IARS2: variants seen among roughly 807,000 people sequenced by gnomAD.
The protein encoded by IARS2 is isoleucyl-tRNA synthetase 2, mitochondrial.
IARS2 carries 56 observed loss-of-function variants against 126.3 expected under a neutral mutation model. The ratio of observed to expected loss-of-function variants is 0.44; its 90% CI spans 0.36 to 0.55. IARS2 has a LOEUF of 0.55. IARS2 is among the 20% of genes least tolerant of loss of function. The pLI, the probability that IARS2 is intolerant of heterozygous loss-of-function variation, is 0.00. For missense variants in IARS2, 1,127 were observed against 1,245.9 expected, an observed-to-expected ratio of 0.90 and a Z score of 1.44; for synonymous variants, 407 against 441.1, an observed-to-expected ratio of 0.92 and a Z score of 0.97.
intron 13 of IARS2, among the ~76,000 whole-genome samples, chr1:220,126,049 G>A (rs980373867): frequency 2.0e-5 from 3 of 150,848 alleles, no homozygotes; most frequent in African/African-American, 7.3e-5. Context: ...GGAGCTTGCA[G>A]TGAGCCGAGA....
intron 7 of IARS2, among the ~76,000 whole-genome samples, chr1:220,103,072 C>A (rs530299645): frequency 6.6e-6 from 1 of 151,280 alleles, no homozygotes; most frequent in African/African-American, 2.4e-5. Context: ...CGAGTTTTGC[C>A]TTTTGTTGCC....
At chr1:220,135,950 T>G (rs775488968) in intron 15 of IARS2, among the ~76,000 whole-genome samples, 12 of 152,024 alleles carry the variant, frequency 7.9e-5, no homozygotes, top group Admixed American at 1.3e-4. Flanking sequence ...CCAGGGCCCC[T>G]GGCAACCACT....
intron 2 of IARS2, among the ~76,000 whole-genome samples, chr1:220,098,389 T>C (rs1656493392): frequency 6.6e-6 from 1 of 152,188 alleles, no homozygotes; most frequent in South Asian, 2.1e-4. Flanking sequence ...CTCATTTCTT[T>C]CAGATTCTGT....
chr1:220,127,221 T>C (rs1226911609), intron 14 of IARS2, among the ~76,000 whole-genome samples: 1 of 152,218 alleles, frequency 6.6e-6, no homozygotes, highest in East Asian at 1.9e-4. Flanking sequence ...TGAAATTGAC[T>C]TAGAGCCAAA....
chr1:220,094,541 C>A, intron 1 of IARS2, 58 bp downstream of exon 1: 1 of 1,442,532 alleles, frequency 6.9e-7, no homozygotes. Flanking sequence ...CCGCGGGCAC[C>A]GGGCGCTCGC....
At chr1:220,130,847 C>G (rs1425363263) in intron 14 of IARS2, among the ~76,000 whole-genome samples, 1 of 152,154 alleles carries the variant, frequency 6.6e-6, no homozygotes, top group African/African-American at 2.4e-5. Flanking sequence ...AAGAGGGTGT[C>G]CTTTTCCCAC....
chr1:220,133,847 G>T (rs889221585), intron 14 of IARS2, among the ~76,000 whole-genome samples: 2 of 151,656 alleles, frequency 1.3e-5, no homozygotes, highest in Non-Finnish European at 1.5e-5. Context: ...AACATGGATA[G>T]TCTCTTAACA....
intron 14 of IARS2, among the ~76,000 whole-genome samples, chr1:220,133,218 A>C (rs575836143): frequency 6.6e-6 from 1 of 151,632 alleles, no homozygotes; most frequent in African/African-American, 2.4e-5. Flanking sequence ...ATGTTGGTCA[A>C]CCTGGTCTCG....
intron 11 of IARS2, among the ~76,000 whole-genome samples, chr1:220,111,733 G>A (rs1656808657): frequency 2.0e-5 from 3 of 151,824 alleles, no homozygotes; most frequent in Admixed American, 2.0e-4. Flanking sequence ...AGATACTACT[G>A]TATTTAGCTG....
At chr1:220,133,893 T>C (rs1445609235) in intron 14 of IARS2, among the ~76,000 whole-genome samples, 2 of 152,010 alleles carry the variant, frequency 1.3e-5, no homozygotes, top group African/African-American at 4.8e-5. Context: ...GGAATTAACA[T>C]TGATTCCATA....
At chr1:220,138,099 TAAAAAATGA>T in intron 17 of IARS2, 56 bp downstream of exon 17, 1 of 1,563,952 alleles carries the variant, frequency 6.4e-7, no homozygotes, top group Non-Finnish European at 8.8e-7. Context: ...ATCATTGTTT[TAAAAAATGA>T]GACACATTTT....
At chr1:220,098,252 A>G (rs1656490535) in intron 2 of IARS2, among the ~76,000 whole-genome samples, 1 of 152,212 alleles carries the variant, frequency 6.6e-6, no homozygotes, top group Non-Finnish European at 1.5e-5. Context: ...CCCTTAGCAA[A>G]GAGCATGGGC....
At chr1:220,110,702 A>G (rs1229131479) in intron 10 of IARS2, 84 bp from the exon 11 acceptor site, 1 of 1,048,514 alleles carries the variant, frequency 9.5e-7, no homozygotes, top group East Asian at 2.4e-5. Flanking sequence ...CTGCAGATTT[A>G]GTATTTTCTG....
At chr1:220,111,598 A>G (rs200979004) in intron 11 of IARS2, among the ~76,000 whole-genome samples, 5,138 of 134,754 alleles carry the variant, frequency 0.038, 101 homozygotes, top group African/African-American at 0.049. Flanking sequence ...ATATATATAT[A>G]TGTGTGTGTG....
At chr1:220,136,634 CAAA>C (rs775927970) in intron 15 of IARS2, among the ~76,000 whole-genome samples, 172 bp from the exon 16 acceptor site, 1 of 63,126 alleles carries the variant, frequency 1.6e-5, no homozygotes, top group African/African-American at 6.1e-5. Context: ...GACTCCATCT[CAAA>C]AAAAAAAAAA....
At chr1:220,094,892 C>T (rs1323488082) in intron 1 of IARS2, among the ~76,000 whole-genome samples, 2 of 152,002 alleles carry the variant, frequency 1.3e-5, no homozygotes, top group Admixed American at 6.6e-5. Context: ...AATCCCAGAA[C>T]TTTGAAAGGC....
chr1:220,127,686 A>G (rs1657181977), intron 14 of IARS2, among the ~76,000 whole-genome samples: 1 of 152,156 alleles, frequency 6.6e-6, no homozygotes, highest in African/African-American at 2.4e-5. Flanking sequence ...TATGTGGGAA[A>G]AGTAGCTTGT....
chr1:220,147,993 C>T lies in IARS2; in HGVS notation c.*358C>T, dbSNP rs569319059. On this transcript the variant is annotated 3_prime_UTR_variant, in exon 23 of 23. Transcript: ENST00000366922. ...ATATTTTATAAATCATCTTTTGACT[C>T]TGTATTTAAATTCTATGATACTGAA... 23 of 387,382 alleles carry T rather than the reference C, an allele frequency of 5.9e-5. No homozygotes were observed. Among genetic ancestry groups the T allele is most frequent in the Non-Finnish European group, 9.1e-5 (20 of 218,708 alleles). 24.0% of individuals were successfully genotyped at this position (387,382 alleles called of 1,614,324 possible).
chr1:220,121,148 T>C (rs1657043099), intron 12 of IARS2, among the ~76,000 whole-genome samples: 1 of 152,200 alleles, frequency 6.6e-6, no homozygotes, highest in African/African-American at 2.4e-5. Flanking sequence ...CTTTTTGAAA[T>C]TGGATTTTTA....
Sources: gnomAD v4.1 joint callset for allele counts (sites outside exome capture counted in the v4.1 genomes callset) on GRCh38, gnomAD v4.1.1 for gene constraint, MANE v1.5 for transcripts, NCBI Gene and HGNC (gene_info 2026-07-23, HGNC 2026-07-21) for gene names.